Variants in CHST9 observed in about 807,000 individuals in gnomAD.
CHST9 encodes GalNAc-4-sulfotransferase 2.
In CHST9, 41 loss-of-function variants were observed where a neutral mutation model predicts 44.4. That is an observed-to-expected ratio of 0.92 (90% CI 0.72 to 1.20). CHST9 has a LOEUF of 1.20. Ranked by LOEUF, CHST9 falls within the 50% of genes most tolerant of loss-of-function variation. The pLI is 0.00. For missense variants in CHST9, 504 were observed against 516.5 expected (o/e 0.98, Z 0.23); for synonymous variants, 171 against 178.4 (o/e 0.96, Z 0.33).
At chr18:27,099,115 T>C (rs1298023486) in intron 2 of CHST9, among the ~76,000 whole-genome samples, 1 of 152,106 alleles carries the variant, frequency 6.6e-6, no homozygotes. Context: ...ATAAATGGTG[T>C]TGGGATGGCT....
At chr18:27,030,152 C>T (rs1048325850) in intron 3 of CHST9, among the ~76,000 whole-genome samples, 2 of 152,146 alleles carry the variant, frequency 1.3e-5, no homozygotes, top group African/African-American at 4.8e-5. Flanking sequence ...TATGACTTCA[C>T]AAGGAATTCA....
At chr18:26,971,756 C>CG (rs936938781) in intron 4 of CHST9, among the ~76,000 whole-genome samples, 1 of 152,094 alleles carries the variant, frequency 6.6e-6, no homozygotes, top group Non-Finnish European at 1.5e-5. Flanking sequence ...ACGCCCAGCT[C>CG]GGGGGGCGGG....
At chr18:27,023,850 A>G (rs951068394) in intron 4 of CHST9, among the ~76,000 whole-genome samples, 7 of 152,220 alleles carry the variant, frequency 4.6e-5, no homozygotes, top group Admixed American at 3.3e-4. Flanking sequence ...ACACCATCCT[A>G]TATATAACTG....
chr18:27,039,684 TA>T (rs1199269061), intron 3 of CHST9, among the ~76,000 whole-genome samples: 2 of 152,072 alleles, frequency 1.3e-5, no homozygotes, highest in African/African-American at 4.8e-5. Flanking sequence ...TTTATAATTT[TA>T]AAAAATAAAT....
At chr18:27,156,526 G>A (rs934109730) in intron 1 of CHST9, among the ~76,000 whole-genome samples, 8 of 152,098 alleles carry the variant, frequency 5.3e-5, no homozygotes, top group African/African-American at 1.9e-4. Flanking sequence ...GTGGGGTGTT[G>A]TGACTGAAAA....
intron 4 of CHST9, 67 bp downstream of exon 4, chr18:27,024,049 T>C: frequency 6.9e-7 from 1 of 1,443,896 alleles, no homozygotes; most frequent in Non-Finnish European, 9.7e-7. Flanking sequence ...GGTTTTCAGA[T>C]ATTCTAGTTG....
intron 2 of CHST9, among the ~76,000 whole-genome samples, chr18:27,139,505 A>ATG (rs2058546884): frequency 6.6e-6 from 1 of 151,860 alleles, no homozygotes; most frequent in Admixed American, 6.6e-5. Flanking sequence ...ACACACATAT[A>ATG]TATATATATA....
intron 4 of CHST9, among the ~76,000 whole-genome samples, chr18:26,999,508 A>G (rs2056924313): frequency 6.6e-6 from 1 of 152,276 alleles, no homozygotes; most frequent in Non-Finnish European, 1.5e-5. Flanking sequence ...TATCATTGAT[A>G]TTGACTTTAC....
At chr18:27,003,623 A>G (rs1198951297) in intron 4 of CHST9, among the ~76,000 whole-genome samples, 2 of 152,160 alleles carry the variant, frequency 1.3e-5, no homozygotes, top group African/African-American at 4.8e-5. Context: ...GAGACATCTG[A>G]TATTCCTCAC....
intron 4 of CHST9, among the ~76,000 whole-genome samples, chr18:26,988,892 G>A (rs924943983): frequency 1.3e-5 from 2 of 151,890 alleles, no homozygotes; most frequent in Non-Finnish European, 2.9e-5. Flanking sequence ...AAAATCTCTA[G>A]AAAATCTAAA....
intron 2 of CHST9, among the ~76,000 whole-genome samples, chr18:27,056,996 T>G (rs755803491): frequency 6.6e-6 from 1 of 152,216 alleles, no homozygotes; most frequent in Admixed American, 6.5e-5. Flanking sequence ...GATTTTAGGA[T>G]GCAGGCTTTA....
At chr18:27,114,742 GTTC>G (rs1391322098) in intron 2 of CHST9, among the ~76,000 whole-genome samples, 1 of 152,150 alleles carries the variant, frequency 6.6e-6, no homozygotes, top group Non-Finnish European at 1.5e-5. Context: ...TAAGCATGAT[GTTC>G]TTAAGGTTCA....
At chr18:27,117,341 C>A (rs531308188) in intron 2 of CHST9, among the ~76,000 whole-genome samples, 3 of 151,970 alleles carry the variant, frequency 2.0e-5, no homozygotes, top group African/African-American at 4.8e-5. Context: ...ACAAGCTCAA[C>A]CTCCCCCATT....
chr18:26,971,026 C>T (rs1024970410), intron 4 of CHST9, among the ~76,000 whole-genome samples: 1 of 152,202 alleles, frequency 6.6e-6, no homozygotes, highest in Non-Finnish European at 1.5e-5. Flanking sequence ...TCACCAGCCT[C>T]ATCCTCATTA....
intron 1 of CHST9, among the ~76,000 whole-genome samples, chr18:27,165,255 CA>C (rs1272253237): frequency 1.3e-5 from 2 of 151,854 alleles, no homozygotes; most frequent in African/African-American, 4.8e-5. Context: ...GAACTTTGAG[CA>C]AATGAAAGAG....
chr18:27,093,139 G>A (rs192088955), intron 2 of CHST9, among the ~76,000 whole-genome samples: 35 of 152,248 alleles, frequency 2.3e-4, no homozygotes, highest in Admixed American at 1.2e-3. Context: ...CCTATATGAG[G>A]TGTCCATCAG....
intron 4 of CHST9, among the ~76,000 whole-genome samples, chr18:26,975,362 G>A (rs575406584): frequency 1.0e-3 from 157 of 151,688 alleles, no homozygotes; most frequent in African/African-American, 3.7e-3. Flanking sequence ...GGGATTTTAG[G>A]GTATACATCA....
intron 4 of CHST9, among the ~76,000 whole-genome samples, chr18:27,018,848 G>A (rs1723471515): frequency 6.6e-6 from 1 of 152,170 alleles, no homozygotes; most frequent in African/African-American, 2.4e-5. Context: ...GAGAGCAGGA[G>A]AATGGGCCTG....
At chr18:26,937,152 G>A (rs2056008428) in intron 5 of CHST9, among the ~76,000 whole-genome samples, 1 of 152,150 alleles carries the variant, frequency 6.6e-6, no homozygotes, top group Admixed American at 6.5e-5. Flanking sequence ...AACGGATTAT[G>A]CCAATGTATA....
Sources: allele counts gnomAD v4.1 joint callset (sites outside exome capture counted in the v4.1 genomes callset), GRCh38; gene constraint gnomAD v4.1.1; transcripts MANE v1.5; gene names NCBI Gene and HGNC (gene_info 2026-07-23, HGNC 2026-07-21).